DCAF8L2: variants seen among roughly 807,000 people sequenced by gnomAD.
DCAF8L2 encodes DDB1 and CUL4 associated factor 8 like 2, also known as DDB1- and CUL4-associated factor 8-like protein 2.
For synonymous variants in DCAF8L2, 200 were observed against 190.9 expected, an observed-to-expected ratio of 1.05 and a Z score of -0.39; for missense variants, 430 against 490.7, an observed-to-expected ratio of 0.88 and a Z score of 1.17.
the DCAF8L2 span, among the ~76,000 whole-genome samples, chrX:27,579,979 T>C: frequency 1.1e-4 from 12 of 110,020 alleles, no homozygotes; most frequent in African/African-American, 3.9e-4. Flanking sequence ...TTTGTAAGTA[T>C]CATTTTAAAT....
chrX:27,642,565 T>C (rs900304758), intron 2 of DCAF8L2, among the ~76,000 whole-genome samples: 4 of 110,805 alleles, frequency 3.6e-5, no homozygotes, highest in Admixed American at 9.7e-5. Context: ...AGAGCTTTCT[T>C]TCACTGCAAT....
chrX:27,560,340 C>G, the DCAF8L2 span, among the ~76,000 whole-genome samples: 1 of 110,811 alleles, frequency 9.0e-6, no homozygotes, highest in Admixed American at 9.6e-5. Flanking sequence ...TTCTTTACCC[C>G]TGTCTGTCAA....
chrX:27,730,134 C>A (rs1921101080), intron 4 of DCAF8L2, among the ~76,000 whole-genome samples: 1 of 112,063 alleles, frequency 8.9e-6, no homozygotes, highest in East Asian at 2.8e-4. Context: ...ATGACACCTG[C>A]AGATATTTAG....
chrX:27,545,121 G>A, the DCAF8L2 span, among the ~76,000 whole-genome samples: 16 of 111,487 alleles, frequency 1.4e-4, no homozygotes, highest in African/African-American at 4.6e-4. Context: ...ATTTAGCTTC[G>A]GCTTGATTCC....
At chrX:27,596,508 A>G (rs1038824454) in intron 1 of DCAF8L2, among the ~76,000 whole-genome samples, 6 of 111,849 alleles carry the variant, frequency 5.4e-5, no homozygotes, top group Admixed American at 1.9e-4. Context: ...AGATCTTGAT[A>G]TGATTATTAA....
At chrX:27,570,032 T>C in the DCAF8L2 span, among the ~76,000 whole-genome samples, 8 of 111,824 alleles carry the variant, frequency 7.2e-5, no homozygotes, top group African/African-American at 2.3e-4. Context: ...ACCTAAAATA[T>C]ATAAAGCCCC....
the DCAF8L2 span, among the ~76,000 whole-genome samples, chrX:27,500,141 C>G: frequency 9.0e-6 from 1 of 111,629 alleles, no homozygotes; most frequent in African/African-American, 3.3e-5. Flanking sequence ...CATAGGATGT[C>G]TCTGTATTAT....
intron 4 of DCAF8L2, among the ~76,000 whole-genome samples, chrX:27,720,972 C>T (rs370768479): frequency 3.3e-4 from 36 of 110,596 alleles, no homozygotes; most frequent in African/African-American, 9.5e-4. Flanking sequence ...TATAGAAATA[C>T]GATTAATTTG....
intron 4 of DCAF8L2, among the ~76,000 whole-genome samples, chrX:27,738,026 C>T (rs1459239776): frequency 4.5e-5 from 5 of 111,567 alleles, no homozygotes; most frequent in African/African-American, 1.6e-4. Flanking sequence ...AATCCTTAAA[C>T]CCACCAAGGC....
the DCAF8L2 span, among the ~76,000 whole-genome samples, chrX:27,559,646 A>T: frequency 8.9e-6 from 1 of 111,864 alleles, no homozygotes; most frequent in Non-Finnish European, 1.9e-5. Context: ...TACATCGTTC[A>T]CGTGGCCATA....
the DCAF8L2 span, among the ~76,000 whole-genome samples, chrX:27,534,710 C>G: frequency 6.9e-4 from 77 of 112,086 alleles, no homozygotes; most frequent in East Asian, 0.015. Flanking sequence ...CTGATTTTCC[C>G]TAGGGTTTCT....
chrX:27,667,985 T>C lies in DCAF8L2; in HGVS notation c.-219-9851T>C, dbSNP rs758087226. On this transcript the variant is annotated intron_variant, in intron 2 of 4. Coordinates refer to ENST00000451261, the MANE Select transcript of DCAF8L2 (RefSeq NM_001353450.2). ...GAATAGATTTGCAAGGCATATGTTA[T>C]CAGTCTAGAGTGCTCCTTCTTAATG... Among the ~76,000 whole-genome samples the C allele has an allele frequency of 3.1e-4, 35 of 112,213 alleles. No homozygotes were observed. In the East Asian group the frequency reaches 7.9e-3, roughly 25 times the overall value.
chrX:27,473,073 C>T, the DCAF8L2 span, among the ~76,000 whole-genome samples: 1 of 112,137 alleles, frequency 8.9e-6, no homozygotes, highest in Non-Finnish European at 1.9e-5. Context: ...TTGTTCCTTG[C>T]ATTCATTGAT....
chrX:27,644,994 G>C (rs1159673689), intron 2 of DCAF8L2, among the ~76,000 whole-genome samples: 1 of 112,045 alleles, frequency 8.9e-6, no homozygotes, highest in African/African-American at 3.2e-5. Context: ...CTGACCTCGT[G>C]ATCTGCCCGC....
chrX:27,533,180 A>AGAGAGAGAGAGAGAGAG, the DCAF8L2 span, among the ~76,000 whole-genome samples: 2 of 18,669 alleles, frequency 1.1e-4, no homozygotes, highest in Admixed American at 7.7e-4. Context: ...GAAAGAAAGA[A>AGAGAGAGAGAGAGAGAG]AGAAAGAAAG....
the DCAF8L2 span, among the ~76,000 whole-genome samples, chrX:27,509,044 CCTA>C: frequency 9.0e-6 from 1 of 111,175 alleles, no homozygotes; most frequent in African/African-American, 3.3e-5. Flanking sequence ...GGTCACACAA[CCTA>C]CTATTATATC....
At chrX:27,640,539 T>C (rs1928673658) in intron 2 of DCAF8L2, among the ~76,000 whole-genome samples, 1 of 112,669 alleles carries the variant, frequency 8.9e-6, no homozygotes, top group Admixed American at 9.4e-5. Flanking sequence ...ATTTTGGCAC[T>C]TATGAATACA....
the DCAF8L2 span, among the ~76,000 whole-genome samples, chrX:27,554,637 T>C: frequency 3.6e-5 from 4 of 111,819 alleles, no homozygotes; most frequent in African/African-American, 1.3e-4. Flanking sequence ...CCCTTTAATT[T>C]TGGAGGAAAG....
At chrX:27,573,252 T>TCA in the DCAF8L2 span, among the ~76,000 whole-genome samples, 4 of 88,493 alleles carry the variant, frequency 4.5e-5, no homozygotes, top group Admixed American at 3.8e-4. Context: ...TCTCTCTCTC[T>TCA]CTCACACACA....
Sources: allele counts gnomAD v4.1 joint callset (sites outside exome capture counted in the v4.1 genomes callset), GRCh38; gene constraint gnomAD v4.1.1; transcripts MANE v1.5; gene names NCBI Gene and HGNC (gene_info 2026-07-23, HGNC 2026-07-21).